The following SLA variants were observed in gnomAD, a reference collection of about 807,000 sequenced individuals.
The protein encoded by SLA is src-like-adapter.
A neutral mutation model predicts 30.3 loss-of-function variants in SLA; 16 were observed. That is an observed-to-expected ratio of 0.53 (90% CI 0.36 to 0.80). The LOEUF (loss-of-function observed/expected upper bound fraction) is 0.80. Among genes scored for constraint, SLA ranks in the 30% least tolerant of loss-of-function variants. SLA has a pLI of 0.01. For missense variants in SLA, 310 were observed against 345.2 expected (o/e 0.90, Z 0.81); for synonymous variants, 143 against 137.8 (o/e 1.04, Z -0.26).
At chr8:133,065,869 G>C (rs1326150004) in intron 2 of SLA, among the ~76,000 whole-genome samples, 1 of 152,116 alleles carries the variant, frequency 6.6e-6, no homozygotes, top group African/African-American at 2.4e-5. Flanking sequence ...TAATACAATG[G>C]AGGCCCTGAG....
chr8:133,058,126 A>G (rs534383662), intron 3 of SLA, among the ~76,000 whole-genome samples: 3 of 152,236 alleles, frequency 2.0e-5, no homozygotes, highest in Admixed American at 6.5e-5. Flanking sequence ...CCTGTGCATG[A>G]GGCAGATGGG....
intron 2 of SLA, among the ~76,000 whole-genome samples, chr8:133,061,081 G>A (rs1387135911): frequency 1.3e-5 from 2 of 152,168 alleles, no homozygotes; most frequent in Admixed American, 6.5e-5. Flanking sequence ...GCACGATCTC[G>A]GCTCACTGCA....
chr8:133,102,082 A>T (rs1849326473), intron 1 of SLA, among the ~76,000 whole-genome samples: 1 of 152,252 alleles, frequency 6.6e-6, no homozygotes, highest in Admixed American at 6.5e-5. Context: ...TGGCTTCAAT[A>T]AATGTTCGTT....
chr8:133,078,744 G>A (rs146565269), intron 1 of SLA, among the ~76,000 whole-genome samples: 618 of 152,246 alleles, frequency 4.1e-3, no homozygotes, highest in Non-Finnish European at 6.5e-3. Context: ...TGTTCATTAC[G>A]TATTTGCTGA....
chr8:133,080,575 C>T (rs557449283), intron 1 of SLA, among the ~76,000 whole-genome samples: 3 of 152,154 alleles, frequency 2.0e-5, no homozygotes, highest in African/African-American at 7.2e-5. Context: ...AAGCAGCTGC[C>T]CCAAACTCAG....
At chr8:133,055,436 C>T (rs534513570) in intron 3 of SLA, among the ~76,000 whole-genome samples, 1 of 152,118 alleles carries the variant, frequency 6.6e-6, no homozygotes, top group Non-Finnish European at 1.5e-5. Context: ...ACCAATCACA[C>T]AGAGCTGGAC....
intron 2 of SLA, among the ~76,000 whole-genome samples, chr8:133,071,168 G>A (rs6471111): frequency 7.9e-5 from 12 of 152,094 alleles, no homozygotes; most frequent in Admixed American, 3.9e-4. Context: ...GCACCAGTGC[G>A]TATTGAGGAA....
intron 1 of SLA, among the ~76,000 whole-genome samples, chr8:133,080,766 C>T (rs930569839): frequency 6.6e-6 from 1 of 152,248 alleles, no homozygotes; most frequent in Non-Finnish European, 1.5e-5. Flanking sequence ...CCCCTCACCT[C>T]TTCCTCATGC....
intron 2 of SLA, among the ~76,000 whole-genome samples, chr8:133,070,392 G>A (rs1238605204): frequency 1.3e-5 from 2 of 152,218 alleles, no homozygotes; most frequent in Non-Finnish European, 2.9e-5. Context: ...CAAAACAAAA[G>A]AGACTAATCT....
At chr8:133,039,962 C>CACAT (rs768310452) in intron 8 of SLA, 36 bp downstream of exon 8, 30 of 1,525,970 alleles carry the variant, frequency 2.0e-5, no homozygotes, top group Admixed American at 2.1e-5. Flanking sequence ...TGCACACACA[C>CACAT]ACACACACAC....
chr8:133,079,456 C>A (rs1438764432), intron 1 of SLA, among the ~76,000 whole-genome samples: 1 of 152,070 alleles, frequency 6.6e-6, no homozygotes, highest in African/African-American at 2.4e-5. Flanking sequence ...TGTCAGGAGC[C>A]AGTTGTTATA....
chr8:133,094,978 G>A (rs1294410936), intron 1 of SLA: 10 of 1,607,952 alleles, frequency 6.2e-6, no homozygotes, highest in Non-Finnish European at 8.5e-6. Flanking sequence ...TGGCACTGAG[G>A]ACTCCAGGTG....
intron 1 of SLA, among the ~76,000 whole-genome samples, chr8:133,101,996 G>T (rs2131693920): frequency 6.6e-6 from 1 of 152,374 alleles, no homozygotes; most frequent in Middle Eastern, 3.4e-3. Flanking sequence ...TATCTGTGAA[G>T]TTGGGAGATG....
At chr8:133,081,413 C>T (rs887872374) in intron 1 of SLA, among the ~76,000 whole-genome samples, 9 of 152,228 alleles carry the variant, frequency 5.9e-5, no homozygotes, top group Non-Finnish European at 5.9e-5. Context: ...GGGGGGAGAG[C>T]AGACCCTATT....
intron 3 of SLA, 128 bp from the exon 4 acceptor site, chr8:133,051,043 C>G (rs1322786840): frequency 1.6e-6 from 1 of 632,990 alleles, no homozygotes; most frequent in Non-Finnish European, 2.8e-6. Flanking sequence ...TTGTTTTGAA[C>G]CACCAATTTA....
At chr8:133,086,403 A>G (rs968392874) in intron 1 of SLA, among the ~76,000 whole-genome samples, 1 of 152,240 alleles carries the variant, frequency 6.6e-6, no homozygotes. Context: ...GATACCAAGA[A>G]TCATAGTTTG....
At chr8:133,077,301 C>T (rs1045610052) in intron 1 of SLA, among the ~76,000 whole-genome samples, 8 of 152,088 alleles carry the variant, frequency 5.3e-5, no homozygotes, top group African/African-American at 1.4e-4. Context: ...CAAGGGGTCC[C>T]GTTCACAGGA....
At chr8:133,043,480 T>C (rs894615176) in intron 7 of SLA, among the ~76,000 whole-genome samples, 3 of 152,228 alleles carry the variant, frequency 2.0e-5, no homozygotes, top group African/African-American at 4.8e-5. Flanking sequence ...ACAAGTAATA[T>C]GTGTTATCAT....
intron 2 of SLA, among the ~76,000 whole-genome samples, chr8:133,069,836 G>A (rs955631948): frequency 1.3e-5 from 2 of 151,520 alleles, no homozygotes; most frequent in African/African-American, 4.9e-5. Flanking sequence ...ATCTCATCTT[G>A]ACTAAAAATA....
Sources: gnomAD v4.1 joint callset for allele counts (sites outside exome capture counted in the v4.1 genomes callset) on GRCh38, gnomAD v4.1.1 for gene constraint, MANE v1.5 for transcripts, NCBI Gene and HGNC (gene_info 2026-07-23, HGNC 2026-07-21) for gene names.